CYFIP1: variants seen among roughly 807,000 people sequenced by gnomAD.
CYFIP1 encodes cytoplasmic FMR1-interacting protein 1.
In CYFIP1, 58 loss-of-function variants were observed where a neutral mutation model predicts 163.5. That is an observed-to-expected ratio of 0.35 (90% CI 0.29 to 0.44). CYFIP1 has a LOEUF of 0.44. CYFIP1 is among the 20% of genes least tolerant of loss of function. The probability of loss-of-function intolerance (pLI) is 1.00; values close to 1 mark genes in which losing one functional copy is unlikely to be tolerated. For synonymous variants in CYFIP1, 663 were observed against 660.7 expected, an observed-to-expected ratio of 1.00 and a Z score of -0.05; for missense variants, 1,338 against 1,653.8, an observed-to-expected ratio of 0.81 and a Z score of 3.31.
chr15:22,890,151 A>AG (rs1270212417), intron 23 of CYFIP1, among the ~76,000 whole-genome samples: 1 of 151,836 alleles, frequency 6.6e-6, no homozygotes, highest in African/African-American at 2.4e-5. Context: ...AAAAAAAAAA[A>AG]AATACAAAAA....
At chr15:22,962,767 A>G (rs973284179) in intron 1 of CYFIP1, among the ~76,000 whole-genome samples, 47 of 152,162 alleles carry the variant, frequency 3.1e-4, no homozygotes, top group Admixed American at 3.3e-4. Flanking sequence ...GATATCATCT[A>G]TATATAGTCA....
intron 26 of CYFIP1, 197 bp from the exon 27 acceptor site, chr15:22,875,468 T>A (rs1259490929): frequency 3.3e-6 from 2 of 607,692 alleles, no homozygotes; most frequent in Non-Finnish European, 5.9e-6. Context: ...CAGCCATGCA[T>A]GCCTAGTAAG....
At chr15:22,932,844 CTTT>C (rs1207876628) in intron 10 of CYFIP1, among the ~76,000 whole-genome samples, 1 of 152,018 alleles carries the variant, frequency 6.6e-6, no homozygotes, top group African/African-American at 2.4e-5. Flanking sequence ...TTCTTTTTTT[CTTT>C]GAGGTAGGGT....
At chr15:22,908,000 A>T (rs1050815396) in intron 21 of CYFIP1, among the ~76,000 whole-genome samples, 4 of 152,092 alleles carry the variant, frequency 2.6e-5, no homozygotes, top group Non-Finnish European at 5.9e-5. Context: ...TACATTTCTT[A>T]TGCTCTTTTC....
rs1238457460 is a variant in CYFIP1, at chr15:22,874,448, G to A, written c.3210+102C>T. On this transcript the variant is annotated intron_variant, in intron 28 of 30. Transcript: ENST00000617928. Reference sequence around the variant, plus strand: ...TTGAGGCCTGAGCAGCCACGCAGCCGCTGGACTTCACGATGCCTTCCAGTC... The same window carrying A: ...TTGAGGCCTGAGCAGCCACGCAGCCACTGGACTTCACGATGCCTTCCAGTC... The A allele has an allele frequency of 4.4e-5, 35 of 795,052 alleles. No homozygotes were observed. In the East Asian group the frequency reaches 8.2e-4, roughly 19 times the overall value. The allele number at this position is 795,052 out of a possible 1,614,324, so 49.2% of individuals were successfully genotyped here.
rs1301619490 is a variant in CYFIP1, at chr15:22,914,895, A to C, written c.1829-13T>G. Reference sequence around the variant, plus strand: ...TGCTGCAGCGTTTCTGGGAGGGTTCAAACAACTCCATGTTATCTCCCGCAA... The same window carrying C: ...TGCTGCAGCGTTTCTGGGAGGGTTCCAACAACTCCATGTTATCTCCCGCAA... On this transcript the variant is annotated splice_polypyrimidine_tract_variant and intron_variant, in intron 16 of 30. Transcript: ENST00000617928. 1.2e-6 allele frequency: 2 copies of C among 1,600,106 alleles called. No individual in the cohort carries two copies. Among genetic ancestry groups the C allele is most frequent in the East Asian group, 2.2e-5 (1 of 44,574 alleles).
intron 1 of CYFIP1, among the ~76,000 whole-genome samples, chr15:22,976,188 C>T (rs1020000887): frequency 6.6e-6 from 1 of 151,150 alleles, no homozygotes; most frequent in South Asian, 2.1e-4. Context: ...GACGGAGTCT[C>T]GCTCTGTTGC....
At chr15:22,914,637 T>G (rs998482932) in intron 17 of CYFIP1, 89 bp downstream of exon 17, 1 of 1,365,820 alleles carries the variant, frequency 7.3e-7, no homozygotes, top group South Asian at 1.5e-5. Flanking sequence ...AATACAATAC[T>G]AAAAACAGTC....
At chr15:22,937,266 C>T (rs183441086) in intron 8 of CYFIP1, 58 bp from the exon 9 acceptor site, 102 of 1,013,412 alleles carry the variant, frequency 1.0e-4, no homozygotes, top group Admixed American at 5.2e-4. Flanking sequence ...TTTCACTACC[C>T]ATAAGGACTT....
intron 11 of CYFIP1, among the ~76,000 whole-genome samples, chr15:22,928,732 C>A (rs549411855): frequency 6.6e-6 from 1 of 152,156 alleles, no homozygotes; most frequent in East Asian, 1.9e-4. Flanking sequence ...TTTGAATATA[C>A]CTTTTTATAG....
intron 1 of CYFIP1, among the ~76,000 whole-genome samples, chr15:22,970,484 A>G (rs1330850880): frequency 2.0e-5 from 3 of 152,234 alleles, no homozygotes; most frequent in Non-Finnish European, 4.4e-5. Context: ...GAATAGCCAA[A>G]GCAATCTTGA....
In CYFIP1 at chr15:22,939,188, G is replaced by A. The variant is rs148420368; in HGVS notation, c.795+4C>T. On this transcript the variant is annotated splice_donor_region_variant and intron_variant, in intron 8 of 30. Coordinates refer to ENST00000617928, the MANE Select transcript of CYFIP1 (RefSeq NM_014608.6). Reference sequence around the variant, plus strand: ...GCCACGGGCTAGCGTCCCCACACACGTACTTTGAGAAGCATGTGTTTCTCA... The same window carrying A: ...GCCACGGGCTAGCGTCCCCACACACATACTTTGAGAAGCATGTGTTTCTCA... 2.0e-5 allele frequency: 32 copies of A among 1,614,106 alleles called. No individual in the cohort carries two copies. Among genetic ancestry groups the A allele is most frequent in the Middle Eastern group, 3.3e-4 (2 of 6,062 alleles).
At position 22,906,632 on chromosome 15, in the gene CYFIP1, A is replaced by G. The variant is rs75062497; in HGVS notation, c.2388+2562T>C. Among the ~76,000 whole-genome samples, 1,046 of 151,648 alleles carry G rather than the reference A, an allele frequency of 6.9e-3. 16 individuals carry two copies. The highest frequency in any genetic ancestry group is 0.025 in the African/African-American group (1,020 of 41,302). On this transcript the variant is annotated intron_variant, in intron 21 of 30. Coordinates refer to ENST00000617928, the MANE Select transcript of CYFIP1 (RefSeq NM_014608.6). ...AGGCGTCCGCCATCAAGCCTGGCTA[A>G]TTTTTTGTATTTTTAGTAGAGACGG...
At chr15:22,875,127 C>A in intron 27 of CYFIP1, 72 bp downstream of exon 27, 2 of 1,414,978 alleles carry the variant, frequency 1.4e-6, no homozygotes, top group South Asian at 1.1e-5. Context: ...CCTTAGCTCT[C>A]CGGTTGCATA....
intron 12 of CYFIP1, among the ~76,000 whole-genome samples, chr15:22,927,314 T>C (rs2061385977): frequency 6.6e-6 from 1 of 151,846 alleles, no homozygotes; most frequent in Non-Finnish European, 1.5e-5. Flanking sequence ...ATACCATCTC[T>C]ACTAAAAACA....
chr15:22,912,984 C>T (rs2060835355), intron 17 of CYFIP1, among the ~76,000 whole-genome samples: 1 of 152,072 alleles, frequency 6.6e-6, no homozygotes, highest in African/African-American at 2.4e-5. Flanking sequence ...TAACATGAGG[C>T]CAGGAGTTTG....
Position 22,882,909 on chromosome 15 carries a change from C to G in CYFIP1, c.2779G>C (p.Ala927Pro). ...TTCAGCAGCTCCTCCATGACCACGG[C>G]GATACCCTGGTAGCCGAGAAGCCGG... Reference protein sequence around the residue: ...ICRLLGYQGIAVVMEELLKVV... With the variant: ...ICRLLGYQGIPVVMEELLKVV... Residue 927 changes from alanine to proline, a missense_variant, in exon 24 of 31, where the codon GCC (alanine) becomes CCC (proline). Transcript: ENST00000617928. The G allele has an allele frequency of 6.2e-7, 1 of 1,613,976 alleles. No homozygotes were observed. Among genetic ancestry groups the G allele is most frequent in the Non-Finnish European group, 8.5e-7 (1 of 1,179,916 alleles).
At chr15:22,926,183 G>C (rs760685728) in intron 12 of CYFIP1, 76 bp from the exon 13 acceptor site, 107 of 1,592,166 alleles carry the variant, frequency 6.7e-5, no homozygotes, top group Non-Finnish European at 8.8e-5. Flanking sequence ...TCACACGATG[G>C]TGGCCAAAGC....
Position 22,903,840 on chromosome 15 carries a change from C to T in CYFIP1, c.2454G>A (p.Leu818=), listed in dbSNP as rs2060482174. The T allele has an allele frequency of 3.1e-6, 5 of 1,614,198 alleles. No homozygotes were observed. The highest frequency in any genetic ancestry group is 3.3e-4 in the Middle Eastern group (2 of 6,062). The stretch of plus-strand genomic sequence containing the variant: ...CCCGGAACATGGCGTCGAAGCCGTC[C>T]AGCGTCAGGTACCGGCTCAGCAGCT... ...THKLLSRYLT[L]DGFDAMFREA... Residue 818 remains leucine, a synonymous_variant, in exon 22 of 31, where the codon CTG becomes CTA. Transcript: ENST00000617928.
Sources: allele counts gnomAD v4.1 joint callset (sites outside exome capture counted in the v4.1 genomes callset), GRCh38; gene constraint gnomAD v4.1.1; transcripts MANE v1.5; gene names NCBI Gene and HGNC (gene_info 2026-07-23, HGNC 2026-07-21).